The following CRPPA variants were observed in gnomAD, a reference collection of about 807,000 sequenced individuals.
CRPPA encodes D-ribitol-5-phosphate cytidylyltransferase.
In CRPPA, 43 loss-of-function variants were observed where a neutral mutation model predicts 52.0. The observed-to-expected ratio is 0.83, with a 90% CI of 0.65 to 1.07. The LOEUF (loss-of-function observed/expected upper bound fraction) is 1.07. CRPPA is among the 50% of genes least tolerant of loss of function. The pLI, the probability that CRPPA is intolerant of heterozygous loss-of-function variation, is 0.00. For synonymous variants in CRPPA, 250 were observed against 203.5 expected (o/e 1.23, Z -1.94); for missense variants, 629 against 551.7 (o/e 1.14, Z -1.40).
At chr7:16,196,529 C>T (rs1484355694) in intron 9 of CRPPA, among the ~76,000 whole-genome samples, 2 of 152,150 alleles carry the variant, frequency 1.3e-5, no homozygotes, top group Non-Finnish European at 2.9e-5. Flanking sequence ...AGAAGACACA[C>T]TGTAGATACT....
At chr7:16,211,240 A>G (rs797022373) in intron 9 of CRPPA, among the ~76,000 whole-genome samples, 3 of 152,360 alleles carry the variant, frequency 2.0e-5, no homozygotes, top group African/African-American at 7.2e-5. Flanking sequence ...CTATAAAAAC[A>G]ATTTTTTTCA....
intron 9 of CRPPA, among the ~76,000 whole-genome samples, chr7:16,176,475 C>A (rs1214171908): frequency 2.0e-5 from 3 of 152,036 alleles, no homozygotes; most frequent in African/African-American, 7.2e-5. Flanking sequence ...ACATGAGGTA[C>A]CATTACACAC....
intron 9 of CRPPA, among the ~76,000 whole-genome samples, chr7:16,099,435 A>G (rs1157591921): frequency 7.3e-6 from 1 of 136,704 alleles, no homozygotes; most frequent in Non-Finnish European, 1.6e-5. Flanking sequence ...AAGGGGAGGG[A>G]AAAAGGAGGG....
rs1386163459 is a variant in CRPPA, at chr7:16,132,339, A to T, written c.1252-40540T>A. On this transcript the variant is annotated intron_variant, in intron 9 of 9. Transcript: ENST00000407010. ...TTCACAGGTTCCCAGCTAGAGAACA[A>T]TTTGCCTCAGGAGACCTTGACTACA... Among the ~76,000 whole-genome samples the T allele has an allele frequency of 2.4e-5, 3 of 125,104 alleles. 1 individual carries two copies. The highest frequency in any genetic ancestry group is 7.8e-5 in the African/African-American group (3 of 38,536). 82.1% of individuals were successfully genotyped at this position (125,104 alleles called of 152,430 possible).
At position 16,421,332 on chromosome 7, in the gene CRPPA, C is replaced by T. The variant is rs1788334724; in HGVS notation, c.-10G>A. ...GCGGCCCGGCCTCCATGGCTGCGGGCGGAACGGCGAGCCCCGCTAGCCTCG... is the reference window on the plus strand; with the variant it reads ...GCGGCCCGGCCTCCATGGCTGCGGGTGGAACGGCGAGCCCCGCTAGCCTCG... On this transcript the variant is annotated 5_prime_UTR_variant, in exon 1 of 10. Coordinates refer to ENST00000407010, the MANE Select transcript of CRPPA (RefSeq NM_001101426.4). The T allele has an allele frequency of 1.6e-6, 2 of 1,243,686 alleles. No homozygotes were observed. Among genetic ancestry groups the T allele is most frequent in the South Asian group, 7.0e-5 (2 of 28,514 alleles). 77.0% of individuals were successfully genotyped at this position (1,243,686 alleles called of 1,614,324 possible).
At chr7:16,244,285 CA>C (rs1188275431) in intron 8 of CRPPA, among the ~76,000 whole-genome samples, 1 of 151,988 alleles carries the variant, frequency 6.6e-6, no homozygotes, top group Non-Finnish European at 1.5e-5. Context: ...TCATTAGAGA[CA>C]AAAAGTTGAT....
chr7:16,219,857 C>G (rs1211580224), intron 8 of CRPPA, among the ~76,000 whole-genome samples: 1 of 150,796 alleles, frequency 6.6e-6, no homozygotes, highest in Non-Finnish European at 1.5e-5. Flanking sequence ...CAAATTCTAT[C>G]AGAGGTACAA....
At chr7:16,332,818 A>G (rs1282988323) in intron 3 of CRPPA, among the ~76,000 whole-genome samples, 1 of 152,166 alleles carries the variant, frequency 6.6e-6, no homozygotes, top group African/African-American at 2.4e-5. Flanking sequence ...TTAAATTTCA[A>G]TGATCTAAAT....
At chr7:16,134,719 G>A (rs953845840) in intron 9 of CRPPA, among the ~76,000 whole-genome samples, 5 of 152,108 alleles carry the variant, frequency 3.3e-5, no homozygotes, top group Non-Finnish European at 7.4e-5. Context: ...TGACAGAAAT[G>A]ACCTAAAAAT....
intron 3 of CRPPA, among the ~76,000 whole-genome samples, chr7:16,315,259 T>C (rs957044269): frequency 1.3e-5 from 2 of 152,170 alleles, no homozygotes; most frequent in Non-Finnish European, 2.9e-5. Flanking sequence ...TGCCTACATC[T>C]GTTCTTGTTG....
chr7:16,376,003 T>G, intron 3 of CRPPA, 89 bp downstream of exon 3: 1 of 1,260,092 alleles, frequency 7.9e-7, no homozygotes, highest in Non-Finnish European at 1.1e-6. Flanking sequence ...ATACGCTCAG[T>G]CCCATCAGTT....
intron 3 of CRPPA, among the ~76,000 whole-genome samples, chr7:16,360,855 C>T (rs1562653400): frequency 6.6e-6 from 1 of 151,902 alleles, no homozygotes; most frequent in Non-Finnish European, 1.5e-5. Context: ...AAAGCATAGG[C>T]AACAAAAGAA....
At chr7:16,185,939 A>G (rs981406040) in intron 9 of CRPPA, among the ~76,000 whole-genome samples, 2 of 152,202 alleles carry the variant, frequency 1.3e-5, no homozygotes, top group African/African-American at 4.8e-5. Flanking sequence ...ACACATAAGC[A>G]TGACTGTACA....
intron 9 of CRPPA, among the ~76,000 whole-genome samples, chr7:16,159,734 T>C (rs1040316882): frequency 2.0e-5 from 3 of 152,204 alleles, no homozygotes; most frequent in Non-Finnish European, 4.4e-5. Flanking sequence ...AGTAATGGGA[T>C]TGCTGGGTCA....
chr7:16,178,891 C>T (rs1256192794), intron 9 of CRPPA, among the ~76,000 whole-genome samples: 1 of 151,992 alleles, frequency 6.6e-6, no homozygotes, highest in African/African-American at 2.4e-5. Flanking sequence ...GAGTGCACTT[C>T]ATCGCTTCAG....
chr7:16,397,231 CAT>C (rs1787614660), intron 2 of CRPPA, among the ~76,000 whole-genome samples: 2 of 152,202 alleles, frequency 1.3e-5, no homozygotes, highest in African/African-American at 4.8e-5. Context: ...GTGATACGAA[CAT>C]AACATGTAAC....
At chr7:16,209,169 G>T in intron 9 of CRPPA, 2 of 339,254 alleles carry the variant, frequency 5.9e-6, no homozygotes, top group South Asian at 5.1e-5. Context: ...ATTAAGCCCA[G>T]ACCAACCGCA....
chr7:16,357,693 C>A (rs561610373), intron 3 of CRPPA, among the ~76,000 whole-genome samples: 1 of 152,254 alleles, frequency 6.6e-6, no homozygotes, highest in East Asian at 1.9e-4. Flanking sequence ...GTCATAAACG[C>A]CACAATAATC....
At chr7:16,131,906 A>G (rs1485911428) in intron 9 of CRPPA, among the ~76,000 whole-genome samples, 1 of 152,320 alleles carries the variant, frequency 6.6e-6, no homozygotes, top group East Asian at 1.9e-4. Flanking sequence ...CATCAGGCAG[A>G]GCTTCAGGCT....
Sources: gnomAD v4.1 joint callset for allele counts (sites outside exome capture counted in the v4.1 genomes callset) on GRCh38, gnomAD v4.1.1 for gene constraint, MANE v1.5 for transcripts, NCBI Gene and HGNC (gene_info 2026-07-23, HGNC 2026-07-21) for gene names.